The following HDAC9 variants were observed in gnomAD, a reference collection of about 807,000 sequenced individuals.
HDAC9 encodes MEF-2 interacting transcription repressor (MITR) protein.
A neutral mutation model predicts 139.4 loss-of-function variants in HDAC9; 41 were observed. The observed-to-expected ratio is 0.29, with a 90% CI of 0.23 to 0.38. HDAC9 has a LOEUF of 0.38. HDAC9 is among the 10% of genes least tolerant of loss of function. The pLI is 1.00. For synonymous variants in HDAC9, 517 were observed against 476.2 expected, an observed-to-expected ratio of 1.09 and a Z score of -1.12; for missense variants, 1,147 against 1,297.0, an observed-to-expected ratio of 0.88 and a Z score of 1.78.
intron 17 of HDAC9, among the ~76,000 whole-genome samples, chr7:18,823,788 G>A (rs560115167): frequency 6.6e-6 from 1 of 151,976 alleles, no homozygotes; most frequent in South Asian, 2.1e-4. Flanking sequence ...AGACCAGCCT[G>A]GGCAACAGAG....
intron 2 of HDAC9, among the ~76,000 whole-genome samples, chr7:18,188,423 C>T (rs1480299807): frequency 6.6e-6 from 1 of 152,176 alleles, no homozygotes; most frequent in Non-Finnish European, 1.5e-5. Context: ...CAGTTTCATT[C>T]AGGACGTAGG....
At chr7:18,086,983 C>T (rs939623246) in exon 1 of HDAC9, 7 of 149,894 alleles carry the variant, frequency 4.7e-5, no homozygotes, top group Non-Finnish European at 7.4e-5. Context: ...CCGCGCCCGC[C>T]GCTCTCGCCG....
At chr7:18,655,242 G>T (rs1584655885) in intron 11 of HDAC9, among the ~76,000 whole-genome samples, 1 of 152,098 alleles carries the variant, frequency 6.6e-6, no homozygotes, top group Middle Eastern at 3.2e-3. Flanking sequence ...TTGTTTCCAT[G>T]CAGGGTCTTT....
intron 1 of HDAC9, among the ~76,000 whole-genome samples, chr7:18,330,749 G>A (rs1800857686): frequency 6.6e-6 from 1 of 151,680 alleles, no homozygotes; most frequent in Non-Finnish European, 1.5e-5. Flanking sequence ...AATAGAAACT[G>A]CTGACAGTTC....
chr7:18,209,908 G>A (rs544392658), intron 2 of HDAC9, among the ~76,000 whole-genome samples: 3 of 152,036 alleles, frequency 2.0e-5, no homozygotes, highest in African/African-American at 7.2e-5. Context: ...CACCATGTTA[G>A]CCAGGATGGT....
At chr7:18,372,243 G>A (rs1784649232) in intron 1 of HDAC9, among the ~76,000 whole-genome samples, 1 of 152,190 alleles carries the variant, frequency 6.6e-6, no homozygotes, top group Admixed American at 6.5e-5. Flanking sequence ...CATTGCAACT[G>A]TATGAATATG....
intron 1 of HDAC9, among the ~76,000 whole-genome samples, chr7:18,465,135 A>G (rs1794164338): frequency 6.6e-6 from 1 of 152,000 alleles, no homozygotes. Flanking sequence ...ACGCCATTAT[A>G]TGAAGTACAA....
intron 25 of HDAC9, among the ~76,000 whole-genome samples, chr7:18,986,922 C>A (rs1785406983): frequency 6.6e-6 from 1 of 152,086 alleles, no homozygotes; most frequent in Admixed American, 6.6e-5. Flanking sequence ...GATTTTGTAT[C>A]CTGAGACTTT....
intron 1 of HDAC9, among the ~76,000 whole-genome samples, chr7:18,343,856 A>G (rs1037389519): frequency 2.0e-5 from 3 of 151,878 alleles, no homozygotes; most frequent in African/African-American, 4.8e-5. Context: ...GTATTGTTTT[A>G]TCAAAAAGTA....
chr7:18,118,751 T>A (rs900819342), intron 1 of HDAC9, among the ~76,000 whole-genome samples: 3 of 152,206 alleles, frequency 2.0e-5, no homozygotes, highest in African/African-American at 7.2e-5. Flanking sequence ...ATCCAGAGCC[T>A]ATTTTTGTAT....
At chr7:18,896,410 A>G (rs191196602) in intron 22 of HDAC9, among the ~76,000 whole-genome samples, 84 of 152,206 alleles carry the variant, frequency 5.5e-4, no homozygotes, top group Middle Eastern at 3.4e-3. Context: ...TACCTTTAAA[A>G]GCACAAGGTA....
At chr7:18,374,629 T>G (rs75704804) in intron 1 of HDAC9, among the ~76,000 whole-genome samples, 5,114 of 152,074 alleles carry the variant, frequency 0.034, 267 homozygotes, top group African/African-American at 0.12. Flanking sequence ...TTCAGCTCCA[T>G]AAAAATCTTA....
At chr7:18,431,757 G>A (rs988469814) in intron 1 of HDAC9, among the ~76,000 whole-genome samples, 6 of 152,140 alleles carry the variant, frequency 3.9e-5, no homozygotes, top group Non-Finnish European at 7.3e-5. Context: ...CGTAAAATAC[G>A]ATTGTGGGTA....
intron 22 of HDAC9, among the ~76,000 whole-genome samples, chr7:18,904,606 G>T (rs1372933454): frequency 1.8e-5 from 2 of 112,308 alleles, no homozygotes; most frequent in African/African-American, 3.5e-5. Context: ...TTTAGATGGA[G>T]TCTCGCTGTC....
At chr7:18,971,358 C>A (rs762960905) in intron 24 of HDAC9, among the ~76,000 whole-genome samples, 2 of 152,138 alleles carry the variant, frequency 1.3e-5, no homozygotes, top group Non-Finnish European at 2.9e-5. Flanking sequence ...AGTTGCATAG[C>A]CATAGGAGAG....
intron 6 of HDAC9, among the ~76,000 whole-genome samples, chr7:18,611,817 A>G (rs1271287623): frequency 1.3e-5 from 2 of 152,166 alleles, no homozygotes; most frequent in African/African-American, 2.4e-5. Flanking sequence ...TAGAAATAGC[A>G]TATGTTTGGG....
At chr7:18,983,493 T>C (rs1205874173) in intron 25 of HDAC9, among the ~76,000 whole-genome samples, 4 of 152,242 alleles carry the variant, frequency 2.6e-5, no homozygotes, top group South Asian at 2.1e-4. Flanking sequence ...CTGGATCATA[T>C]GGAAATTTTA....
At chr7:18,364,388 T>A (rs1784018137) in intron 1 of HDAC9, among the ~76,000 whole-genome samples, 2 of 152,008 alleles carry the variant, frequency 1.3e-5, no homozygotes, top group Non-Finnish European at 2.9e-5. Context: ...TTACTTGTAT[T>A]AACATTAGAA....
chr7:18,525,350 C>T (rs1352748164), intron 2 of HDAC9, among the ~76,000 whole-genome samples: 6 of 151,972 alleles, frequency 3.9e-5, no homozygotes, highest in Non-Finnish European at 8.8e-5. Flanking sequence ...CCTAAAAATA[C>T]CAAGGATTTT....
Sources: allele counts gnomAD v4.1 joint callset (sites outside exome capture counted in the v4.1 genomes callset), GRCh38; gene constraint gnomAD v4.1.1; transcripts MANE v1.5; gene names NCBI Gene and HGNC (gene_info 2026-07-23, HGNC 2026-07-21).